The following NUDCD3 variants were observed in gnomAD, a reference collection of about 807,000 sequenced individuals.
The protein encoded by NUDCD3 is NudC domain containing 3.
NUDCD3 carries 13 observed loss-of-function variants against 39.7 expected under a neutral mutation model. That is an observed-to-expected ratio of 0.33 (90% CI 0.21 to 0.52). NUDCD3 has a LOEUF of 0.52. Ranked by LOEUF, NUDCD3 falls within the 20% of genes least tolerant of loss-of-function variation. The pLI, the probability that NUDCD3 is intolerant of heterozygous loss-of-function variation, is 0.96. For synonymous variants in NUDCD3, 175 were observed against 172.4 expected, an observed-to-expected ratio of 1.02 and a Z score of -0.12; for missense variants, 453 against 458.1, an observed-to-expected ratio of 0.99 and a Z score of 0.10.
rs144890232 is a variant in NUDCD3 at position 44,431,249 on chromosome 7, G to A, written c.510-3546C>T. Among the ~76,000 whole-genome samples, 388 of 152,288 alleles carry A rather than the reference G, an allele frequency of 2.5e-3. 16 individuals carry two copies. The highest frequency in any genetic ancestry group is 0.023 in the Admixed American group (358 of 15,294). ...GGAGCATCCATGCTTCAGCACCAAG[G>A]GTGGGAGTAGGAAAGTGAGTCAGCA... is the stretch of plus-strand genomic sequence containing the variant. On this transcript the variant is annotated intron_variant, in intron 2 of 5. Coordinates refer to ENST00000355451, the MANE Select transcript of NUDCD3 (RefSeq NM_015332.4).
intron 3 of NUDCD3, 86 bp from the exon 4 acceptor site, chr7:44,404,669 G>A (rs995211916): frequency 2.1e-6 from 3 of 1,429,050 alleles, no homozygotes; most frequent in Non-Finnish European, 1.9e-6. Context: ...GGTTTCCAAG[G>A]TACCTGACTG....
chr7:44,398,679 T>C (rs1396881749), intron 4 of NUDCD3, among the ~76,000 whole-genome samples: 1 of 152,180 alleles, frequency 6.6e-6, no homozygotes, highest in African/African-American at 2.4e-5. Context: ...TCATTTCTAT[T>C]CAGGGAAGCA....
In NUDCD3 at chr7:44,485,296, C is replaced by T; in HGVS notation, c.193-12G>A. 1.3e-6 allele frequency: 2 copies of T among 1,594,398 alleles called. No individual in the cohort carries two copies. Among genetic ancestry groups the T allele is most frequent in the Non-Finnish European group, 1.7e-6 (2 of 1,167,686 alleles). Reference sequence around the variant, plus strand: ...AAGGTTTTGAATACCTAAAATCAAACACCAATCCAGCAATCAGTTCATCTG... The same window carrying T: ...AAGGTTTTGAATACCTAAAATCAAATACCAATCCAGCAATCAGTTCATCTG... On this transcript the variant is annotated splice_polypyrimidine_tract_variant and intron_variant, in intron 1 of 5. Coordinates refer to ENST00000355451, the MANE Select transcript of NUDCD3 (RefSeq NM_015332.4).
intron 4 of NUDCD3, among the ~76,000 whole-genome samples, chr7:44,392,866 G>C (rs905802621): frequency 6.6e-6 from 1 of 151,994 alleles, no homozygotes; most frequent in Admixed American, 6.6e-5. Context: ...CCCCACACCA[G>C]GACCTGTCCT....
intron 2 of NUDCD3, among the ~76,000 whole-genome samples, chr7:44,428,123 TA>T (rs55642004): frequency 0.15 from 11,530 of 76,042 alleles, 631 homozygotes; most frequent in Non-Finnish European, 0.19. Flanking sequence ...GGTCAATCTT[TA>T]AAAAAAAAAA....
Position 44,392,493 on chromosome 7 carries a change from C to A in NUDCD3, c.787-8G>T. 1.9e-6 allele frequency: 3 copies of A among 1,612,838 alleles called. No homozygotes were observed. The highest frequency in any genetic ancestry group is 2.5e-6 in the Non-Finnish European group (3 of 1,179,200). ...CACCTTGCTCAGGTTCACCTGGGGA[C>A]AAGCAGGACAGAGACCTGAGTCAGA... On this transcript the variant is annotated splice_region_variant and splice_polypyrimidine_tract_variant and intron_variant, in intron 4 of 5. Coordinates refer to ENST00000355451, the MANE Select transcript of NUDCD3 (RefSeq NM_015332.4).
At chr7:44,479,559 T>C (rs1191778182) in intron 2 of NUDCD3, among the ~76,000 whole-genome samples, 1 of 152,244 alleles carries the variant, frequency 6.6e-6, no homozygotes, top group African/African-American at 2.4e-5. Flanking sequence ...TTACACTGAA[T>C]TTATTTAAAT....
intron 1 of NUDCD3, among the ~76,000 whole-genome samples, chr7:44,488,462 T>A (rs1388829126): frequency 6.6e-6 from 1 of 152,162 alleles, no homozygotes. Context: ...CCTTGGTTTC[T>A]GTGAAACTTA....
At position 44,490,438 on chromosome 7, in the gene NUDCD3, G is replaced by C. The variant is rs1198952792; in HGVS notation, c.163C>G (p.Pro55Ala). The C allele has an allele frequency of 6.3e-7, 1 of 1,590,034 alleles. No individual in the cohort carries two copies. Among genetic ancestry groups the C allele is most frequent in the South Asian group, 1.1e-5 (1 of 88,114 alleles). The change falls in exon 1 of 6, where the codon CCC (proline) becomes GCC (alanine). Residue 55 changes from proline to alanine, a missense_variant. By Grantham distance (27) the Pro-to-Ala change is conservative (BLOSUM62 -1). Transcript: ENST00000355451. ...RHPSDRMGFP[P>A]GAAQALVLQV... ...AGCACCAAGGCCTGCGCGGCCCCGG[G>C]CGGGAAGCCCATGCGGTCCGATGGG...
chr7:44,470,789 T>C (rs1800239036), intron 2 of NUDCD3, among the ~76,000 whole-genome samples: 1 of 152,244 alleles, frequency 6.6e-6, no homozygotes, highest in South Asian at 2.1e-4. Flanking sequence ...AGTTTAACTT[T>C]TAACTATTTT....
chr7:44,470,112 C>T lies in NUDCD3; in HGVS notation c.509+14856G>A, dbSNP rs575695865. ...GTGAAGAGCATATGTGAGAATTCTT[C>T]GCATGACTTCTGCAATTTTTTTTGG... On this transcript the variant is annotated intron_variant, in intron 2 of 5. Coordinates refer to ENST00000355451, the MANE Select transcript of NUDCD3 (RefSeq NM_015332.4). 5.2e-4 allele frequency among the ~76,000 whole-genome samples: 79 copies of T among 152,236 alleles called. 5 individuals carry two copies. The South Asian group carries it at 0.016, about 31-fold the overall frequency.
intron 2 of NUDCD3, among the ~76,000 whole-genome samples, chr7:44,469,115 CAAAAAAAAA>C (rs756247647): frequency 6.4e-4 from 21 of 32,860 alleles, no homozygotes; most frequent in South Asian, 1.5e-3. Flanking sequence ...ACAAACAAAC[CAAAAAAAAA>C]AAAAAAAAAA....
At chr7:44,404,842 T>C (rs1221286374) in intron 3 of NUDCD3, among the ~76,000 whole-genome samples, 1 of 152,250 alleles carries the variant, frequency 6.6e-6, no homozygotes, top group African/African-American at 2.4e-5. Context: ...TGGTGGAAGC[T>C]GCTGTGACCC....
At chr7:44,399,830 AG>A (rs1798688863) in intron 4 of NUDCD3, among the ~76,000 whole-genome samples, 1 of 152,212 alleles carries the variant, frequency 6.6e-6, no homozygotes, top group African/African-American at 2.4e-5. Flanking sequence ...AAACACTCAC[AG>A]GGTTCAAAAA....
chr7:44,445,908 T>A (rs928925007), intron 2 of NUDCD3, among the ~76,000 whole-genome samples: 1 of 152,090 alleles, frequency 6.6e-6, no homozygotes, highest in Non-Finnish European at 1.5e-5. Context: ...GAGTCAAAAA[T>A]CCCTGCCCAG....
Position 44,490,564 on chromosome 7 carries a change from G to A in NUDCD3, c.37C>T (p.Leu13Phe), listed in dbSNP as rs373111430. The A allele has an allele frequency of 9.3e-6, 15 of 1,611,830 alleles. No individual in the cohort carries two copies. The highest frequency in any genetic ancestry group is 1.3e-5 in the Non-Finnish European group (15 of 1,179,142). Residue 13 changes from leucine (L) to phenylalanine (F), a missense_variant, in exon 1 of 6, where the codon CTT (leucine) becomes TTT (phenylalanine). Physicochemically the swap from Leu to Phe is conservative, Grantham distance 22 (BLOSUM62 0). Coordinates refer to ENST00000355451, the MANE Select transcript of NUDCD3 (RefSeq NM_015332.4). ...TGAAELYDQA[L>F]LGILQHVGNV... is the part of the protein sequence containing the mutation. ...CCCACGTGCTGCAGGATGCCCAAAA[G>A]GGCCTGGTCATACAGCTCGGCCGCC...
At chr7:44,452,914 T>C (rs1188496079) in intron 2 of NUDCD3, among the ~76,000 whole-genome samples, 1 of 152,232 alleles carries the variant, frequency 6.6e-6, no homozygotes, top group Non-Finnish European at 1.5e-5. Context: ...TCCTCCATCT[T>C]TGCTGTTCTG....
At chr7:44,434,854 T>G (rs1472825942) in intron 2 of NUDCD3, among the ~76,000 whole-genome samples, 1 of 152,186 alleles carries the variant, frequency 6.6e-6, no homozygotes, top group East Asian at 1.9e-4. Flanking sequence ...ACCTATAAAA[T>G]GGGAACACTA....
At chr7:44,422,044 T>C (rs755469113) in intron 3 of NUDCD3, among the ~76,000 whole-genome samples, 2 of 152,166 alleles carry the variant, frequency 1.3e-5, no homozygotes, top group Non-Finnish European at 2.9e-5. Flanking sequence ...GACTACTGGG[T>C]AAATAATGAA....
Sources: allele counts gnomAD v4.1 joint callset (sites outside exome capture counted in the v4.1 genomes callset), GRCh38; gene constraint gnomAD v4.1.1; transcripts MANE v1.5; gene names NCBI Gene and HGNC (gene_info 2026-07-23, HGNC 2026-07-21).